The following CTNNA3 variants were observed in gnomAD, a reference collection of about 807,000 sequenced individuals.
CTNNA3 encodes the protein catenin alpha-3.
Under a neutral mutation model 95.7 loss-of-function variants are expected in CTNNA3, and 76 were observed. The ratio of observed to expected loss-of-function variants is 0.79; its 90% CI spans 0.66 to 0.96. The LOEUF is 0.96. Ranked by LOEUF, CTNNA3 falls within the 40% of genes least tolerant of loss-of-function variation. The pLI, the probability that CTNNA3 is intolerant of heterozygous loss-of-function variation, is 0.00. For missense variants in CTNNA3, 1,191 were observed against 1,089.8 expected, an observed-to-expected ratio of 1.09 and a Z score of -1.31; for synonymous variants, 431 against 374.4, an observed-to-expected ratio of 1.15 and a Z score of -1.74.
In CTNNA3 at chr10:66,104,588, ATC is replaced by A. The variant is rs572259156; in HGVS notation, c.1885-1341_1885-1340del. On this transcript the variant is annotated intron_variant, in intron 13 of 17. Coordinates refer to ENST00000433211, the MANE Select transcript of CTNNA3 (RefSeq NM_013266.4). ...CCCAATATGTAGCTTTTCATTCCTA[ATC>A]TCTCTCCCATCCTCCCTGCTTCTGA... 3.9e-5 allele frequency among the ~76,000 whole-genome samples: 6 copies of A among 152,122 alleles called. No homozygotes were observed. The South Asian group carries it at 1.2e-3, about 32-fold the overall frequency.
intron 11 of CTNNA3, among the ~76,000 whole-genome samples, chr10:66,477,710 G>T (rs924908979): frequency 6.6e-6 from 1 of 151,906 alleles, no homozygotes; most frequent in Non-Finnish European, 1.5e-5. Context: ...GGATCTTAGG[G>T]CAATACAAAC....
Position 65,925,159 on chromosome 10 carries a change from A to G in CTNNA3, c.2401-4542T>C, listed in dbSNP as rs189159663. On this transcript the variant is annotated intron_variant, in intron 17 of 17. Coordinates refer to ENST00000433211, the MANE Select transcript of CTNNA3 (RefSeq NM_013266.4). ...AAATGCATCTGTGTGTTTTTAGCTA[A>G]TTCTTGTATCCATTCTACCCAAACA... Among the ~76,000 whole-genome samples, 610 of 152,274 alleles carry G rather than the reference A, an allele frequency of 4.0e-3. 3 individuals are homozygous for G. The highest frequency in any genetic ancestry group is 0.013 in the African/African-American group (526 of 41,572).
intron 7 of CTNNA3, among the ~76,000 whole-genome samples, chr10:67,090,027 C>T (rs1397313840): frequency 6.6e-6 from 1 of 152,052 alleles, no homozygotes; most frequent in Non-Finnish European, 1.5e-5. Flanking sequence ...TCTTTTTGCA[C>T]ATTTTGTTAA....
intron 15 of CTNNA3, among the ~76,000 whole-genome samples, chr10:66,018,589 A>G (rs1347100731): frequency 6.6e-6 from 1 of 152,120 alleles, no homozygotes; most frequent in Non-Finnish European, 1.5e-5. Context: ...TTACATAATC[A>G]ACACTTCTGT....
At chr10:66,930,269 T>A (rs1240205575) in intron 7 of CTNNA3, among the ~76,000 whole-genome samples, 1 of 152,334 alleles carries the variant, frequency 6.6e-6, no homozygotes, top group Non-Finnish European at 1.5e-5. Context: ...TTAGTTACAA[T>A]GTTTACCCAT....
chr10:66,713,857 A>G (rs1848370940), intron 9 of CTNNA3, among the ~76,000 whole-genome samples: 1 of 152,148 alleles, frequency 6.6e-6, no homozygotes, highest in Admixed American at 6.6e-5. Flanking sequence ...AGACACCTTC[A>G]TTTATACTCT....
At chr10:67,100,077 T>C (rs1858251633) in intron 7 of CTNNA3, among the ~76,000 whole-genome samples, 1 of 151,790 alleles carries the variant, frequency 6.6e-6, no homozygotes, top group Non-Finnish European at 1.5e-5. Context: ...TGTTAATAAA[T>C]AGGTTTATCT....
At chr10:67,019,693 G>A (rs1852875381) in intron 7 of CTNNA3, among the ~76,000 whole-genome samples, 1 of 152,182 alleles carries the variant, frequency 6.6e-6, no homozygotes, top group Non-Finnish European at 1.5e-5. Flanking sequence ...GTCTCCCTAT[G>A]TAATGTCATC....
intron 12 of CTNNA3, among the ~76,000 whole-genome samples, chr10:66,320,845 T>C (rs947684650): frequency 6.6e-6 from 1 of 152,124 alleles, no homozygotes; most frequent in African/African-American, 2.4e-5. Context: ...AATGAAGCTT[T>C]TCATTTAGAC....
At chr10:66,667,190 AT>A (rs10639825) in intron 9 of CTNNA3, among the ~76,000 whole-genome samples, 3 of 150,522 alleles carry the variant, frequency 2.0e-5, no homozygotes, top group Non-Finnish European at 4.4e-5. Context: ...AAGAGTAGTA[AT>A]TTTTTTTTTG....
In CTNNA3 at chr10:67,496,515, C is replaced by T. The variant is rs537359084; in HGVS notation, c.579+25327G>A. ...CTTCCTTTTCAACAGGAGGTTCTCA[C>T]CCCTCTGTTGTCTACTCCAGCACTG... On this transcript the variant is annotated intron_variant, in intron 5 of 17. Transcript: ENST00000433211. Among the ~76,000 whole-genome samples the T allele has an allele frequency of 2.2e-3, 328 of 152,234 alleles. 2 individuals are homozygous for T. The highest frequency in any genetic ancestry group is 7.5e-3 in the African/African-American group (313 of 41,550).
At chr10:67,153,832 C>CT in intron 7 of CTNNA3, among the ~76,000 whole-genome samples, 1 of 151,860 alleles carries the variant, frequency 6.6e-6, no homozygotes, top group East Asian at 1.9e-4. Context: ...CAAAATGTTC[C>CT]TTTTTTTCAT....
intron 11 of CTNNA3, among the ~76,000 whole-genome samples, chr10:66,424,390 A>G (rs1279684809): frequency 6.6e-6 from 1 of 152,076 alleles, no homozygotes; most frequent in African/African-American, 2.4e-5. Context: ...ATGCCTAAAT[A>G]ACTGTGTCCC....
At chr10:66,791,703 T>G (rs926400768) in intron 7 of CTNNA3, among the ~76,000 whole-genome samples, 5 of 152,198 alleles carry the variant, frequency 3.3e-5, no homozygotes, top group Non-Finnish European at 5.9e-5. Context: ...TGCCAGACAC[T>G]CAGAAGCCTT....
chr10:66,402,104 T>C (rs986279931), intron 11 of CTNNA3, among the ~76,000 whole-genome samples: 17 of 152,222 alleles, frequency 1.1e-4, no homozygotes, highest in Non-Finnish European at 1.5e-5. Flanking sequence ...ATACCTCAGA[T>C]AAAATTCATT....
chr10:67,334,389 CT>C (rs1200331841), intron 5 of CTNNA3: 1 of 153,034 alleles, frequency 6.5e-6, no homozygotes, highest in African/African-American at 2.4e-5. Flanking sequence ...TGCCAAACAG[CT>C]ACTCAAATGC....
chr10:67,680,854 TC>T (rs1840613075), intron 1 of CTNNA3, among the ~76,000 whole-genome samples: 1 of 152,168 alleles, frequency 6.6e-6, no homozygotes, highest in Admixed American at 6.5e-5. Flanking sequence ...GAGATCTAGA[TC>T]CCAAAAGCCC....
At chr10:66,573,488 A>C (rs971146344) in intron 10 of CTNNA3, among the ~76,000 whole-genome samples, 1 of 152,190 alleles carries the variant, frequency 6.6e-6, no homozygotes. Context: ...GAAAAATTCT[A>C]AGTGTTTCAC....
chr10:66,814,862 T>A (rs1051565825), intron 7 of CTNNA3, among the ~76,000 whole-genome samples: 1 of 149,318 alleles, frequency 6.7e-6, no homozygotes, highest in Non-Finnish European at 1.5e-5. Flanking sequence ...TTTTTTTTTT[T>A]TTTTTTTGAG....
Sources: gnomAD v4.1 joint callset for allele counts (sites outside exome capture counted in the v4.1 genomes callset) on GRCh38, gnomAD v4.1.1 for gene constraint, MANE v1.5 for transcripts, NCBI Gene and HGNC (gene_info 2026-07-23, HGNC 2026-07-21) for gene names.